The following C4orf50 variants were observed in gnomAD, a reference collection of about 807,000 sequenced individuals.
C4orf50 encodes the protein uncharacterized protein C4orf50.
C4orf50 carries 80 observed loss-of-function variants against 77.2 expected under a neutral mutation model. That is an observed-to-expected ratio of 1.04 (90% CI 0.87 to 1.25). The LOEUF is 1.25. Ranked by LOEUF, C4orf50 falls within the 50% of genes most tolerant of loss-of-function variation. C4orf50 has a pLI of 0.00. For missense variants in C4orf50, 1,257 were observed against 1,152.9 expected (o/e 1.09, Z -1.31); for synonymous variants, 532 against 465.3 (o/e 1.14, Z -1.84).
chr4:6,010,818 G>A (rs751900572), intron 24 of C4orf50, among the ~76,000 whole-genome samples: 1 of 152,200 alleles, frequency 6.6e-6, no homozygotes, highest in Non-Finnish European at 1.5e-5. Context: ...CCTTCCCCTG[G>A]AAAATTTTAG....
At chr4:5,933,061 C>G (rs1446227411) in intron 7 of C4orf50, among the ~76,000 whole-genome samples, 1 of 152,146 alleles carries the variant, frequency 6.6e-6, no homozygotes, top group Non-Finnish European at 1.5e-5. Flanking sequence ...GACCCTGACA[C>G]CAGAGCCCTG....
At chr4:5,926,951 A>G (rs1224456417) in intron 7 of C4orf50, among the ~76,000 whole-genome samples, 1 of 152,182 alleles carries the variant, frequency 6.6e-6, no homozygotes, top group Non-Finnish European at 1.5e-5. Flanking sequence ...GGTGAAATAT[A>G]TAGAAGTTCC....
At chr4:5,945,856 C>CTCT (rs1314016615) in intron 7 of C4orf50, among the ~76,000 whole-genome samples, 4 of 152,200 alleles carry the variant, frequency 2.6e-5, no homozygotes. Flanking sequence ...TTGTTCTGCC[C>CTCT]TCTTGGCCCC....
chr4:5,990,374 T>C, exon 28 of C4orf50: 1 of 457,544 alleles, frequency 2.2e-6, no homozygotes, highest in Non-Finnish European at 3.6e-6. Flanking sequence ...TCTTCAGTTC[T>C]CCCCGCAAGG....
intron 7 of C4orf50, among the ~76,000 whole-genome samples, chr4:5,910,373 CT>C (rs1296951822): frequency 2.0e-5 from 3 of 152,166 alleles, no homozygotes; most frequent in Non-Finnish European, 4.4e-5. Context: ...AAATTTAAGC[CT>C]TTTGAAAAGC....
intron 29 of C4orf50, among the ~76,000 whole-genome samples, chr4:5,978,726 C>A (rs1319410415): frequency 6.6e-6 from 1 of 152,134 alleles, no homozygotes; most frequent in African/African-American, 2.4e-5. Flanking sequence ...ACCTTTGGAG[C>A]CAGTAGTCCC....
intron 7 of C4orf50, among the ~76,000 whole-genome samples, chr4:5,943,296 T>G (rs907112016): frequency 1.3e-5 from 2 of 152,244 alleles, no homozygotes; most frequent in Non-Finnish European, 2.9e-5. Context: ...ATCTTCATGG[T>G]TCTGTTTCTT....
At chr4:5,988,540 G>T in exon 28 of C4orf50, 1 of 1,537,366 alleles carries the variant, frequency 6.5e-7, no homozygotes, top group South Asian at 1.2e-5. Context: ...GGAATTCCCG[G>T]TGCCTGTGGA....
intron 7 of C4orf50, among the ~76,000 whole-genome samples, chr4:5,913,520 G>T (rs1301555736): frequency 6.6e-6 from 1 of 152,172 alleles, no homozygotes; most frequent in Non-Finnish European, 1.5e-5. Context: ...AAATATAGAT[G>T]AGATAAAATG....
chr4:6,002,856 C>T (rs1190910590), intron 25 of C4orf50, among the ~76,000 whole-genome samples: 1 of 152,204 alleles, frequency 6.6e-6, no homozygotes, highest in South Asian at 2.1e-4. Context: ...GTTGTGTGAC[C>T]CTGGACAGGA....
intron 7 of C4orf50, among the ~76,000 whole-genome samples, chr4:5,938,044 A>C (rs920342104): frequency 1.3e-5 from 2 of 152,198 alleles, no homozygotes; most frequent in African/African-American, 4.8e-5. Flanking sequence ...ATCAAAGAAA[A>C]TTTGAAGACC....
At chr4:5,930,199 C>T (rs1717705844) in intron 7 of C4orf50, among the ~76,000 whole-genome samples, 1 of 152,176 alleles carries the variant, frequency 6.6e-6, no homozygotes, top group Non-Finnish European at 1.5e-5. Flanking sequence ...TCTCTCTAGG[C>T]CTCAGATTCC....
At chr4:5,999,247 GC>G (rs1721726042) in intron 25 of C4orf50, among the ~76,000 whole-genome samples, 1 of 152,194 alleles carries the variant, frequency 6.6e-6, no homozygotes, top group South Asian at 2.1e-4. Flanking sequence ...TGCAGGTGGG[GC>G]CAAGCCTGTG....
chr4:5,910,999 G>A (rs976744863), intron 7 of C4orf50, among the ~76,000 whole-genome samples: 14 of 138,048 alleles, frequency 1.0e-4, no homozygotes, highest in Non-Finnish European at 1.5e-4. Context: ...TCCGCCTCCC[G>A]GGTTCACGCC....
chr4:6,009,821 G>C lies in C4orf50; in HGVS notation c.427-1289C>G, dbSNP rs1722415284. The stretch of plus-strand genomic sequence containing the variant: ...TTAGGGTTAGAGGGTTGGGGGCTGG[G>C]TGGCAGCTGGGCCAAGGGGCAACTG... On this transcript the variant is annotated intron_variant, in intron 24 of 33. Transcript: ENST00000531445. The surrounding 1 kb of genome is among the most constrained non-coding windows in gnomAD (Gnocchi z 5.6). Among the ~76,000 whole-genome samples, 1 of 152,200 alleles carries C rather than the reference G, an allele frequency of 6.6e-6. No individual in the cohort carries two copies. Among genetic ancestry groups the C allele is most frequent in the Non-Finnish European group, 1.5e-5 (1 of 68,036 alleles).
At chr4:5,993,803 T>G (rs1406822678) in intron 26 of C4orf50, among the ~76,000 whole-genome samples, 1 of 148,594 alleles carries the variant, frequency 6.7e-6, no homozygotes, top group East Asian at 2.0e-4. Context: ...GGTGACAGAG[T>G]GAGACTCCAT....
At position 6,017,601 on chromosome 4, in the gene C4orf50, C is replaced by T. The variant is rs998086965; in HGVS notation, c.287+544G>A. Among the ~76,000 whole-genome samples, 1 of 152,186 alleles carries T rather than the reference C, an allele frequency of 6.6e-6. No homozygotes were observed. The highest frequency in any genetic ancestry group is 2.4e-5 in the African/African-American group (1 of 41,452). On this transcript the variant is annotated intron_variant, in intron 23 of 33. Coordinates refer to ENST00000531445, the Ensembl canonical transcript of C4orf50. This position sits in a 1 kb window ranked among gnomAD's most constrained non-coding sequence, Gnocchi z 4.7. ...GATGCCTGTAGCCACCTATGCAAGC[C>T]TTCCAGAGCACACATGCTTTTTCCC... is the stretch of plus-strand genomic sequence containing the variant.
At chr4:5,898,031 T>C (rs1716198028) in exon 8 of C4orf50, 1 of 152,238 alleles carries the variant, frequency 6.6e-6, no homozygotes, top group Admixed American at 6.5e-5. Context: ...TGTAGATTCA[T>C]GCAACCGCAA....
chr4:5,964,767 C>CAAAAAAAAAAA (rs71171498), intron 33 of C4orf50, among the ~76,000 whole-genome samples: 1 of 107,982 alleles, frequency 9.3e-6, no homozygotes, highest in Non-Finnish European at 1.8e-5. Flanking sequence ...GACTCTGTCT[C>CAAAAAAAAAAA]AAAAAAAAAA....
Sources: allele counts gnomAD v4.1 joint callset (sites outside exome capture counted in the v4.1 genomes callset), GRCh38; gene constraint gnomAD v4.1.1; non-coding constraint Gnocchi (gnomAD v3.1); transcripts MANE v1.5; gene names NCBI Gene and HGNC (gene_info 2026-07-23, HGNC 2026-07-21).